TENM1: variants seen among roughly 807,000 people sequenced by gnomAD.
TENM1 encodes teneurin-1.
Under a neutral mutation model 174.8 loss-of-function variants are expected in TENM1, and 35 were observed. That is an observed-to-expected ratio of 0.20 (90% CI 0.15 to 0.27). The LOEUF (loss-of-function observed/expected upper bound fraction) is 0.27. Among genes scored for constraint, TENM1 ranks in the 10% least tolerant of loss-of-function variants. The pLI is 1.00. For synonymous variants in TENM1, 781 were observed against 798.7 expected (o/e 0.98, Z 0.37); for missense variants, 1,633 against 2,130.1 (o/e 0.77, Z 4.59).
At chrX:124,619,876 T>C (rs1242366736) in intron 11 of TENM1, among the ~76,000 whole-genome samples, 1 of 111,822 alleles carries the variant, frequency 8.9e-6, no homozygotes, top group African/African-American at 3.2e-5. Context: ...AGTTACACCA[T>C]GTACTTACTC....
intron 3 of TENM1, among the ~76,000 whole-genome samples, chrX:124,798,071 T>C (rs2055348528): frequency 8.9e-6 from 1 of 112,139 alleles, no homozygotes; most frequent in Non-Finnish European, 1.9e-5. Context: ...TGTGCCACAT[T>C]TTCTTTATCC....
chrX:125,120,518 A>G, the TENM1 span, among the ~76,000 whole-genome samples: 2 of 107,632 alleles, frequency 1.9e-5, no homozygotes, highest in African/African-American at 6.8e-5. Context: ...CCCTGTGTCC[A>G]TGTGTTCTTA....
the TENM1 span, among the ~76,000 whole-genome samples, chrX:125,037,468 T>C: frequency 2.7e-5 from 3 of 111,170 alleles, no homozygotes; most frequent in Non-Finnish European, 5.7e-5. Context: ...ACCTATACTT[T>C]ATCTACTCAA....
chrX:124,456,112 C>T (rs986697677), intron 22 of TENM1, among the ~76,000 whole-genome samples: 6 of 111,963 alleles, frequency 5.4e-5, no homozygotes, highest in East Asian at 5.6e-4. Flanking sequence ...GTTCCACAGA[C>T]GAGTGCCCTT....
chrX:125,100,678 G>A, the TENM1 span, among the ~76,000 whole-genome samples: 118 of 111,710 alleles, frequency 1.1e-3, no homozygotes, highest in Non-Finnish European at 1.6e-3. Context: ...GCTTGCTTTC[G>A]TTCTTAAAAG....
At chrX:124,693,027 A>T (rs1200034684) in intron 5 of TENM1, among the ~76,000 whole-genome samples, 4 of 105,240 alleles carry the variant, frequency 3.8e-5, no homozygotes, top group Non-Finnish European at 7.8e-5. Flanking sequence ...AAAAAAAAGA[A>T]AAAAAAAAAG....
the TENM1 span, among the ~76,000 whole-genome samples, chrX:125,192,766 A>T: frequency 1.1e-4 from 12 of 111,667 alleles, no homozygotes; most frequent in East Asian, 3.4e-3. Flanking sequence ...ATTGTTTCTA[A>T]TTTGTATGTA....
rs5956684 is a variant in TENM1, at chrX:124,728,974, C to G, written c.776+7983G>C. Among the ~76,000 whole-genome samples, 472 of 112,330 alleles carry G rather than the reference C, an allele frequency of 4.2e-3. 7 individuals are homozygous for G. The highest frequency in any genetic ancestry group is 0.015 in the African/African-American group (458 of 30,921). Reference sequence around the variant, plus strand: ...TGATTCATAAGGGCTTAGAATAGTGCTTGGCATATAGTAATGCTGTTTAGC... The same window carrying G: ...TGATTCATAAGGGCTTAGAATAGTGGTTGGCATATAGTAATGCTGTTTAGC... On this transcript the variant is annotated intron_variant, in intron 4 of 31. Coordinates refer to ENST00000422452, the Ensembl canonical transcript of TENM1.
At chrX:125,055,654 C>G in the TENM1 span, among the ~76,000 whole-genome samples, 1 of 111,774 alleles carries the variant, frequency 8.9e-6, no homozygotes, top group East Asian at 2.8e-4. Flanking sequence ...CATTCCTTTG[C>G]AGTGACAAGC....
At chrX:124,569,336 C>G (rs895677199) in intron 11 of TENM1, among the ~76,000 whole-genome samples, 8 of 112,010 alleles carry the variant, frequency 7.1e-5, no homozygotes, top group African/African-American at 2.6e-4. Flanking sequence ...CCCTCTCACA[C>G]CAACTGATAG....
At chrX:124,962,142 T>C (rs968263359) in intron 1 of TENM1, among the ~76,000 whole-genome samples, 1 of 111,856 alleles carries the variant, frequency 8.9e-6, no homozygotes. Context: ...GAGGTGTCAG[T>C]GTATTATTCA....
At chrX:124,778,793 C>T (rs1008741465) in intron 3 of TENM1, among the ~76,000 whole-genome samples, 3 of 111,961 alleles carry the variant, frequency 2.7e-5, no homozygotes, top group Non-Finnish European at 5.6e-5. Context: ...ATTTTATCTG[C>T]CTACAGAGAA....
At chrX:124,480,178 G>A (rs1004545899) in intron 22 of TENM1, among the ~76,000 whole-genome samples, 6 of 111,648 alleles carry the variant, frequency 5.4e-5, no homozygotes, top group South Asian at 3.7e-4. Context: ...CATCTCAAGC[G>A]ACTTATTTCA....
intron 4 of TENM1, among the ~76,000 whole-genome samples, chrX:124,727,855 A>C: frequency 8.9e-6 from 1 of 111,910 alleles, no homozygotes; most frequent in East Asian, 2.8e-4. Context: ...AGTGCTATTA[A>C]CCCATTTTTA....
chrX:124,637,553 T>C (rs1235342873), intron 11 of TENM1, among the ~76,000 whole-genome samples: 1 of 111,599 alleles, frequency 9.0e-6, no homozygotes, highest in African/African-American at 3.3e-5. Flanking sequence ...ACGACTTTGC[T>C]AAAATGCAAG....
intron 28 of TENM1, among the ~76,000 whole-genome samples, chrX:124,388,746 A>G (rs546261304): frequency 8.9e-6 from 1 of 112,221 alleles, no homozygotes; most frequent in South Asian, 3.7e-4. Context: ...TTGAAAAGTT[A>G]AAGCATTTGA....
rs150406939 is a variant in TENM1, at chrX:124,911,021, T to A, written c.218-14780A>T. 1.9e-3 allele frequency among the ~76,000 whole-genome samples: 214 copies of A among 109,850 alleles called. 1 individual carries two copies. Among genetic ancestry groups the A allele is most frequent in the African/African-American group, 6.7e-3 (202 of 30,154 alleles). On this transcript the variant is annotated intron_variant, in intron 1 of 31. Transcript: ENST00000422452. ...GCTTTGACCTCGTGGGCTTAAGCCATCCTTCTGCCTCAGTCTCCCAAGTAG... is the reference window on the plus strand; with the variant it reads ...GCTTTGACCTCGTGGGCTTAAGCCAACCTTCTGCCTCAGTCTCCCAAGTAG...
intron 14 of TENM1, 28 bp from the exon 18 acceptor site, chrX:124,547,118 G>A (rs1464031053): frequency 9.0e-7 from 1 of 1,108,836 alleles, no homozygotes. Context: ...AACCAATATT[G>A]ATTATTTAGC....
At chrX:124,970,107 A>G in the TENM1 span, among the ~76,000 whole-genome samples, 1 of 111,642 alleles carries the variant, frequency 9.0e-6, no homozygotes, top group African/African-American at 3.3e-5. Flanking sequence ...ACCTGAGTAT[A>G]TATCTATGCA....
Sources: allele counts gnomAD v4.1 joint callset (sites outside exome capture counted in the v4.1 genomes callset), GRCh38; gene constraint gnomAD v4.1.1; transcripts MANE v1.5; gene names NCBI Gene and HGNC (gene_info 2026-07-23, HGNC 2026-07-21).